Variants in RERE observed in about 807,000 individuals in gnomAD.
RERE encodes the protein arginine-glutamic acid dipeptide repeats.
A neutral mutation model predicts 146.1 loss-of-function variants in RERE; 40 were observed. That is an observed-to-expected ratio of 0.27 (90% CI 0.21 to 0.36). RERE has a LOEUF of 0.36. Among genes scored for constraint, RERE ranks in the 10% least tolerant of loss-of-function variants. The pLI is 1.00. For synonymous variants in RERE, 1,003 were observed against 866.0 expected, an observed-to-expected ratio of 1.16 and a Z score of -2.78; for missense variants, 1,933 against 2,138.7, an observed-to-expected ratio of 0.90 and a Z score of 1.90.
chr1:8,444,801 G>A (rs1348048637), intron 11 of RERE, among the ~76,000 whole-genome samples: 1 of 151,874 alleles, frequency 6.6e-6, no homozygotes, highest in African/African-American at 2.4e-5. Context: ...TGGTGTTCCC[G>A]CTTCAGCTTC....
intron 1 of RERE, chr1:8,702,953 G>C (rs1160101271): frequency 6.6e-6 from 1 of 152,088 alleles, no homozygotes; most frequent in Non-Finnish European, 1.5e-5. Context: ...GGGTCGGCTG[G>C]AACACTCCGT....
intron 12 of RERE, among the ~76,000 whole-genome samples, chr1:8,418,223 T>C (rs943756808): frequency 1.3e-5 from 2 of 152,164 alleles, no homozygotes; most frequent in South Asian, 2.1e-4. Context: ...GTTCTGATAA[T>C]GGGAAGTGAA....
intron 7 of RERE, among the ~76,000 whole-genome samples, chr1:8,538,671 G>A (rs2124384706): frequency 6.6e-6 from 1 of 152,270 alleles, no homozygotes; most frequent in Middle Eastern, 3.4e-3. Context: ...ACTTATAAAT[G>A]GGCACTTAAG....
intron 7 of RERE, among the ~76,000 whole-genome samples, chr1:8,531,408 A>G (rs1292990894): frequency 6.6e-6 from 1 of 151,440 alleles, no homozygotes; most frequent in Non-Finnish European, 1.5e-5. Context: ...GCACCACTGC[A>G]CTCCAGCCTG....
chr1:8,603,527 T>C (rs1646659626), intron 4 of RERE, among the ~76,000 whole-genome samples: 1 of 152,256 alleles, frequency 6.6e-6, no homozygotes, highest in South Asian at 2.1e-4. Flanking sequence ...ATTAAATTAA[T>C]GTTGGTAGTC....
chr1:8,777,231 G>A (rs1249317330), intron 1 of RERE, among the ~76,000 whole-genome samples: 1 of 152,084 alleles, frequency 6.6e-6, no homozygotes, highest in African/African-American at 2.4e-5. Context: ...TTCCACTTCT[G>A]GAAAGCATTG....
At chr1:8,576,674 A>C (rs968264692) in intron 4 of RERE, among the ~76,000 whole-genome samples, 1 of 152,232 alleles carries the variant, frequency 6.6e-6, no homozygotes, top group Non-Finnish European at 1.5e-5. Flanking sequence ...AATTAAACTT[A>C]TATGAAGAAT....
At chr1:8,669,619 AAC>A (rs1247811436) in intron 1 of RERE, among the ~76,000 whole-genome samples, 8 of 152,228 alleles carry the variant, frequency 5.3e-5, no homozygotes, top group African/African-American at 9.6e-5. Flanking sequence ...AAGCTGTAAA[AAC>A]ACAGTCAATT....
intron 1 of RERE, among the ~76,000 whole-genome samples, chr1:8,710,987 T>G (rs1639655718): frequency 6.6e-6 from 1 of 151,610 alleles, no homozygotes. Context: ...CAACACCCCA[T>G]CTCCATTAAA....
chr1:8,605,757 A>C (rs1197705003), intron 4 of RERE, among the ~76,000 whole-genome samples: 5 of 149,356 alleles, frequency 3.3e-5, no homozygotes, highest in Non-Finnish European at 7.4e-5. Context: ...AAAAAAAAAA[A>C]AAAAAAAAAA....
chr1:8,462,891 TAATAATAAA>T (rs1010277681), intron 11 of RERE, among the ~76,000 whole-genome samples: 1 of 151,984 alleles, frequency 6.6e-6, no homozygotes, highest in African/African-American at 2.4e-5. Flanking sequence ...ATAGTAATGA[TAATAATAAA>T]AATAATAATT....
chr1:8,464,381 C>T (rs1644567784), intron 11 of RERE, among the ~76,000 whole-genome samples: 1 of 152,182 alleles, frequency 6.6e-6, no homozygotes, highest in South Asian at 2.1e-4. Context: ...CTCGCTGCTT[C>T]TTATCACGAC....
intron 10 of RERE, among the ~76,000 whole-genome samples, chr1:8,475,480 C>T (rs1644744106): frequency 6.6e-6 from 1 of 151,738 alleles, no homozygotes; most frequent in Non-Finnish European, 1.5e-5. Flanking sequence ...GAGTTTGAGA[C>T]CAGCCTGGCC....
At chr1:8,799,528 A>T (rs1641546253) in intron 1 of RERE, 1 of 162,332 alleles carries the variant, frequency 6.2e-6, no homozygotes, top group Admixed American at 6.0e-5. Flanking sequence ...AGGTTATTAA[A>T]TTTTTTAATT....
chr1:8,355,191 C>A (rs546818209), intron 22 of RERE, 71 bp from the exon 23 acceptor site: 1 of 1,511,832 alleles, frequency 6.6e-7, no homozygotes, highest in East Asian at 2.3e-5. Context: ...CTGGAGGCAA[C>A]CCCAAAGACA....
chr1:8,557,001 C>A (rs762121498), intron 5 of RERE, among the ~76,000 whole-genome samples: 1 of 150,792 alleles, frequency 6.6e-6, no homozygotes, highest in Non-Finnish European at 1.5e-5. Context: ...ATAATTTACA[C>A]GCTTTAACAG....
At chr1:8,797,876 T>G (rs1344546578) in intron 1 of RERE, among the ~76,000 whole-genome samples, 3 of 152,238 alleles carry the variant, frequency 2.0e-5, no homozygotes, top group African/African-American at 7.2e-5. Flanking sequence ...TGGGGCCTAC[T>G]ATGCTGAATG....
At position 8,654,631 on chromosome 1, in the gene RERE, TTTTTTTTTG is replaced by T. The variant is rs1392874825; in HGVS notation, c.325+1333_325+1341del. The stretch of plus-strand genomic sequence containing the variant: ...TTCTGTAAGAAAGGATCTTGTTTTG[TTTTTTTTTG>T]TTTTTTTTTTTGAGACAGGGTCTTG... On this transcript the variant is annotated intron_variant, in intron 2 of 22. Transcript: ENST00000400908. Among the ~76,000 whole-genome samples, 4 of 140,286 alleles carry T rather than the reference TTTTTTTTTG, an allele frequency of 2.9e-5. 1 individual carries two copies. The highest frequency in any genetic ancestry group is 1.1e-4 in the African/African-American group (4 of 37,298). The allele number at this position is 140,286 out of a possible 152,430, so 92.0% of individuals were successfully genotyped here. A position where few individuals can be genotyped will look rare whatever the true frequency, so the allele number is the denominator to read the frequency against.
chr1:8,467,301 C>T (rs1188515881), intron 10 of RERE, among the ~76,000 whole-genome samples: 1 of 152,326 alleles, frequency 6.6e-6, no homozygotes, highest in East Asian at 1.9e-4. Flanking sequence ...AAGTCACAGT[C>T]CTTATTTCCA....
Sources: gnomAD v4.1 joint callset for allele counts (sites outside exome capture counted in the v4.1 genomes callset) on GRCh38, gnomAD v4.1.1 for gene constraint, MANE v1.5 for transcripts, NCBI Gene and HGNC (gene_info 2026-07-23, HGNC 2026-07-21) for gene names.